The following ITGA10 variants were observed in gnomAD, a reference collection of about 807,000 sequenced individuals.
The protein encoded by ITGA10 is integrin alpha-10.
Under a neutral mutation model 145.2 loss-of-function variants are expected in ITGA10, and 105 were observed. The ratio of observed to expected loss-of-function variants is 0.72; its 90% CI spans 0.62 to 0.85. The LOEUF is 0.85. Ranked by LOEUF, ITGA10 falls within the 40% of genes least tolerant of loss-of-function variation. The pLI is 0.00. For synonymous variants in ITGA10, 506 were observed against 557.8 expected, an observed-to-expected ratio of 0.91 and a Z score of 1.31; for missense variants, 1,317 against 1,444.5, an observed-to-expected ratio of 0.91 and a Z score of 1.43.
In ITGA10 at chr1:145,895,388, C is replaced by T; in HGVS notation, c.3120G>A (p.Gly1040=). 1 of 1,612,736 alleles carries T rather than the reference C, an allele frequency of 6.2e-7. No individual in the cohort carries two copies. The highest frequency in any genetic ancestry group is 8.5e-7 in the Non-Finnish European group (1 of 1,178,820). ...EELQHTNRLN[G]SNTQCQVVRC... is the part of the protein sequence containing the mutation. ...TCACCACCTGACACTGAGTATTGCTCCCATTCTAACAGAAGAGACAGAGAG... is the reference window on the plus strand; with the variant it reads ...TCACCACCTGACACTGAGTATTGCTTCCATTCTAACAGAAGAGACAGAGAG... Residue 1040 remains glycine (G), a synonymous_variant, in exon 27 of 30, where the codon GGG becomes GGA. Coordinates refer to ENST00000369304, the MANE Select transcript of ITGA10 (RefSeq NM_003637.5).
At position 145,895,687 on chromosome 1, in the gene ITGA10, T is replaced by C. The variant is rs1016387227; in HGVS notation, c.3058A>G (p.Thr1020Ala). 1 of 1,614,246 alleles carries C rather than the reference T, an allele frequency of 6.2e-7. No individual in the cohort carries two copies. Among genetic ancestry groups the C allele is most frequent in the Non-Finnish European group, 8.5e-7 (1 of 1,180,036 alleles). Residue 1020 changes from threonine to alanine, a missense_variant, in exon 26 of 30, where the codon ACT (threonine) becomes GCT (alanine). Thr to Ala is a moderately conservative substitution (Grantham distance 58). Transcript: ENST00000369304. ...NNASCIVQNL[T>A]EPPGPPVHPE... is the part of the protein sequence containing the mutation. ...TGCACAGGTGGGCCTGGGGGTTCAGTCAGGTTCTGCACTATGCAGCTTGCC... is the reference window on the plus strand; with the variant it reads ...TGCACAGGTGGGCCTGGGGGTTCAGCCAGGTTCTGCACTATGCAGCTTGCC...
At chr1:145,898,310 G>T in intron 17 of ITGA10, 87 bp from the exon 18 acceptor site, 1 of 780,616 alleles carries the variant, frequency 1.3e-6, no homozygotes, top group South Asian at 1.5e-5. Context: ...TCTGTGTGCT[G>T]GGCACTGTCC....
At chr1:145,906,868 G>T in intron 3 of ITGA10, 44 bp from the exon 4 acceptor site, 1 of 1,396,858 alleles carries the variant, frequency 7.2e-7, no homozygotes, top group Non-Finnish European at 1.0e-6. Flanking sequence ...TGGGGTCATA[G>T]ATGGGGTGCT....
chr1:145,907,149 T>A lies in ITGA10; in HGVS notation c.166A>T (p.Met56Leu), dbSNP rs782294721. 6.4e-7 allele frequency: 1 copy of A among 1,559,516 alleles called. No homozygotes were observed. Among genetic ancestry groups the A allele is most frequent in the Non-Finnish European group, 8.7e-7 (1 of 1,150,948 alleles). The change falls in exon 3 of 30, where the codon ATG (methionine) becomes TTG (leucine). Residue 56 changes from methionine to leucine, a missense_variant and splice_region_variant. Physicochemically the swap from Met to Leu is conservative, Grantham distance 15 (BLOSUM62 2). Transcript: ENST00000369304. The part of the protein sequence containing the change: ...LQHVGGGQRW[M>L]LVGAPWDGPS... ...CCATCCCAGGGGGCGCCCACCAGCA[T>A]CCTGGGAAGAGGATGTGAATGTAAG...
intron 5 of ITGA10, among the ~76,000 whole-genome samples, chr1:145,905,270 T>A (rs74227620): frequency 6.6e-6 from 1 of 150,790 alleles, no homozygotes; most frequent in South Asian, 2.1e-4. Flanking sequence ...AGGAAAGGCA[T>A]GTGGGTAGAG....
At position 145,907,136 on chromosome 1, in the gene ITGA10, G is replaced by T; in HGVS notation, c.179C>A (p.Ala60Asp). ...GTCGCCTGAAGGCCCATCCCAGGGG[G>T]CGCCCACCAGCATCCTGGGAAGAGG... ...GGGQRWMLVG[A>D]PWDGPSGDRR... Residue 60 changes from alanine to aspartate, a missense_variant, in exon 3 of 30, where the codon GCC becomes GAC. Ala to Asp is a moderately radical substitution (Grantham distance 126). Coordinates refer to ENST00000369304, the MANE Select transcript of ITGA10 (RefSeq NM_003637.5). 1 of 1,560,252 alleles carries T rather than the reference G, an allele frequency of 6.4e-7. No homozygotes were observed.
intron 17 of ITGA10, 48 bp from the exon 18 acceptor site, chr1:145,898,271 T>TA: frequency 8.4e-7 from 1 of 1,192,164 alleles, no homozygotes; most frequent in South Asian, 1.2e-5. Context: ...GATCTTGTGA[T>TA]AATTGTAGTG....
At position 145,898,113 on chromosome 1, in the gene ITGA10, C is replaced by G; in HGVS notation, c.2343G>C (p.Lys781Asn). The change falls in exon 18 of 30, where the codon AAG becomes AAC. Residue 781 changes from lysine to asparagine, a missense_variant. By Grantham distance (94) the Lys-to-Asn change is moderately conservative. Transcript: ENST00000369304. ...LNEGSPTSIQ[K>N]LVPFSKDCGP... ...GGCAGGGCATGGCACTGCTGACCAG[C>G]TTTTGTATAGAGGTGGGTGAGCCCT... The G allele has an allele frequency of 2.5e-6, 4 of 1,611,744 alleles. No individual in the cohort carries two copies. The South Asian group carries it at 4.4e-5, about 18-fold the overall frequency.
chr1:145,902,125 T>C, intron 10 of ITGA10, 104 bp from the exon 11 acceptor site: 4 of 1,580,788 alleles, frequency 2.5e-6, no homozygotes, highest in South Asian at 1.1e-5. Flanking sequence ...CTGGGCTCAG[T>C]TGGAAAGGCA....
intron 15 of ITGA10, 112 bp from the exon 16 acceptor site, chr1:145,899,453 A>C (rs1484130422): frequency 2.6e-6 from 3 of 1,163,626 alleles, no homozygotes; most frequent in Non-Finnish European, 3.7e-6. Context: ...GGCTGAATGC[A>C]CATGTCACCC....
intron 2 of ITGA10, 80 bp from the exon 3 acceptor site, chr1:145,907,230 T>C: frequency 1.1e-5 from 17 of 1,576,490 alleles, no homozygotes; most frequent in Non-Finnish European, 1.4e-5. Context: ...AGCATGGAGG[T>C]GGTAAGTTTA....
In ITGA10 at chr1:145,907,125, C is replaced by G; in HGVS notation, c.190G>C (p.Gly64Arg). Reference sequence around the variant, plus strand: ...TCCCCCCTCCGGTCGCCTGAAGGCCCATCCCAGGGGGCGCCCACCAGCATC... The same window carrying G: ...TCCCCCCTCCGGTCGCCTGAAGGCCGATCCCAGGGGGCGCCCACCAGCATC... ...RWMLVGAPWD[G>R]PSGDRRGDVY... Residue 64 changes from glycine to arginine, a missense_variant, in exon 3 of 30, where the codon GGG becomes CGG. Transcript: ENST00000369304. 6.4e-7 allele frequency: 1 copy of G among 1,562,258 alleles called. No individual in the cohort carries two copies. Among genetic ancestry groups the G allele is most frequent in the Non-Finnish European group, 8.7e-7 (1 of 1,152,652 alleles).
intron 17 of ITGA10, 31 bp from the exon 18 acceptor site, chr1:145,898,254 A>G (rs1332630036): frequency 4.3e-6 from 6 of 1,389,532 alleles, no homozygotes; most frequent in African/African-American, 1.4e-5. Context: ...AGAGTCACAG[A>G]GTCAAGGATC....
intron 5 of ITGA10, 43 bp downstream of exon 5, chr1:145,906,351 A>G (rs782492634): frequency 9.5e-6 from 14 of 1,469,348 alleles, no homozygotes; most frequent in African/African-American, 8.3e-5. Context: ...CCCACCCAGT[A>G]TCTCCTTCTG....
chr1:145,898,898 C>T (rs893352014), intron 17 of ITGA10, 38 bp downstream of exon 17: 21 of 1,588,066 alleles, frequency 1.3e-5, no homozygotes, highest in Non-Finnish European at 1.8e-5. Context: ...TCCTCATTCT[C>T]AGGCCCTGAT....
In ITGA10 at chr1:145,898,051, C is replaced by T. The variant is rs1222327889; in HGVS notation, c.2346+59G>A. ...TGATCTCATGTCTTCTCCCTCCCTC[C>T]CTTTTCTCTTGAAGGAGGGCAGTGT... On this transcript the variant is annotated intron_variant, in intron 18 of 29. Coordinates refer to ENST00000369304, the MANE Select transcript of ITGA10 (RefSeq NM_003637.5). 8.0e-6 allele frequency: 11 copies of T among 1,375,878 alleles called. No homozygotes were observed. The East Asian group carries it at 2.3e-4, about 29-fold the overall frequency. 85.2% of individuals were successfully genotyped at this position (1,375,878 alleles called of 1,614,324 possible). A position where few individuals can be genotyped will look rare whatever the true frequency, so the allele number is the denominator to read the frequency against.
At position 145,897,822 on chromosome 1, in the gene ITGA10, C is replaced by T. The variant is rs782276866; in HGVS notation, c.2425G>A (p.Gly809Ser). Residue 809 changes from glycine to serine, a missense_variant, in exon 19 of 30, where the codon GGC becomes AGC. Physicochemically the swap from Gly to Ser is moderately conservative, Grantham distance 56. Coordinates refer to ENST00000369304, the MANE Select transcript of ITGA10 (RefSeq NM_003637.5). ...AGTACATGTCCATCCAACCTGGAGC[C>T]TCTGATGTCCATATTCACTTGAAGC... ...LVLQVNMDIRGSRKAPFVVRG... is the reference protein window; with the variant it reads ...LVLQVNMDIRSSRKAPFVVRG... 4.3e-6 allele frequency: 7 copies of T among 1,614,022 alleles called. No homozygotes were observed. The highest frequency in any genetic ancestry group is 4.2e-6 in the Non-Finnish European group (5 of 1,179,908).
At position 145,899,201 on chromosome 1, in the gene ITGA10, G is replaced by T; in HGVS notation, c.2063C>A (p.Thr688Asn). 1 of 1,614,258 alleles carries T rather than the reference G, an allele frequency of 6.2e-7. No individual in the cohort carries two copies. Among genetic ancestry groups the T allele is most frequent in the South Asian group, 1.1e-5 (1 of 91,086 alleles). Residue 688 changes from threonine (T) to asparagine (N), a missense_variant, in exon 16 of 30, where the codon ACT becomes AAT. Thr to Asn is a moderately conservative substitution (Grantham distance 65). Coordinates refer to ENST00000369304, the MANE Select transcript of ITGA10 (RefSeq NM_003637.5). ...GAATTGGTGATCCCAGCGACCAGGA[G>T]TACGGGAGGTCACTTGGAAGCAAAG... Reference protein sequence around the residue: ...AALCFQVTSRTPGRWDHQFYM... With the variant: ...AALCFQVTSRNPGRWDHQFYM...
chr1:145,898,943 T>C lies in ITGA10; in HGVS notation c.2225A>G (p.His742Arg). 1 of 1,613,730 alleles carries C rather than the reference T, an allele frequency of 6.2e-7. No homozygotes were observed. The highest frequency in any genetic ancestry group is 8.5e-7 in the Non-Finnish European group (1 of 1,179,754). The change falls in exon 17 of 30, where the codon CAT becomes CGT. Residue 742 changes from histidine to arginine, a missense_variant. Transcript: ENST00000369304. ...TTACTGCCCTCTCCTTACCAGCACA[T>C]GGAAGTGTAGCTGCTCACAAGTGAC... ...GNVTCEQLHFHVLDTSDYLRP... is the reference protein window; with the variant it reads ...GNVTCEQLHFRVLDTSDYLRP...
Sources: gnomAD v4.1 joint callset for allele counts (sites outside exome capture counted in the v4.1 genomes callset) on GRCh38, gnomAD v4.1.1 for gene constraint, MANE v1.5 for transcripts, NCBI Gene and HGNC (gene_info 2026-07-23, HGNC 2026-07-21) for gene names.